Variants in TIAM1 observed in about 807,000 individuals in gnomAD.
The protein encoded by TIAM1 is rho guanine nucleotide exchange factor TIAM1.
Under a neutral mutation model 163.5 loss-of-function variants are expected in TIAM1, and 65 were observed. That is an observed-to-expected ratio of 0.40 (90% CI 0.33 to 0.49). The LOEUF (loss-of-function observed/expected upper bound fraction) is 0.49, where lower values mean the gene tolerates loss of function less well. TIAM1 is among the 20% of genes least tolerant of loss of function. The probability of loss-of-function intolerance (pLI) is 0.77; values close to 1 mark genes in which losing one functional copy is unlikely to be tolerated. For missense variants in TIAM1, 1,789 were observed against 2,044.7 expected, an observed-to-expected ratio of 0.87 and a Z score of 2.41; for synonymous variants, 833 against 810.1, an observed-to-expected ratio of 1.03 and a Z score of -0.48.
intron 2 of TIAM1, among the ~76,000 whole-genome samples, chr21:31,422,310 GGAAGATACTCCT>G (rs1434814342): frequency 6.6e-6 from 1 of 152,184 alleles, no homozygotes; most frequent in Admixed American, 6.6e-5. Context: ...TATCAAGGAT[GGAAGATACTCCT>G]GAAGAAATGC....
chr21:31,342,842 T>C (rs1389092661), intron 1 of TIAM1, among the ~76,000 whole-genome samples: 1 of 152,208 alleles, frequency 6.6e-6, no homozygotes, highest in Non-Finnish European at 1.5e-5. Context: ...TCTGTATCTT[T>C]AACTTCAAGG....
intron 11 of TIAM1, among the ~76,000 whole-genome samples, chr21:31,203,218 G>C (rs887566871): frequency 6.6e-6 from 1 of 152,142 alleles, no homozygotes; most frequent in African/African-American, 2.4e-5. Flanking sequence ...CGCCTCCTGG[G>C]TTCAAGTGAT....
intron 15 of TIAM1, among the ~76,000 whole-genome samples, chr21:31,173,670 A>C (rs1375378683): frequency 6.6e-6 from 1 of 152,218 alleles, no homozygotes; most frequent in Non-Finnish European, 1.5e-5. Flanking sequence ...GAGAAATTTA[A>C]AATTCCATTA....
chr21:31,153,187 C>A, intron 17 of TIAM1, 53 bp from the exon 18 acceptor site: 1 of 1,419,136 alleles, frequency 7.0e-7, no homozygotes, highest in South Asian at 1.2e-5. Context: ...TTTTATATAC[C>A]CTAGAACTTA....
At chr21:31,360,849 A>G (rs1432648070) in intron 2 of TIAM1, among the ~76,000 whole-genome samples, 1 of 152,226 alleles carries the variant, frequency 6.6e-6, no homozygotes, top group African/African-American at 2.4e-5. Context: ...TGTAAATTCA[A>G]ACCAGGAAAT....
At chr21:31,255,329 G>A (rs1028156614) in intron 4 of TIAM1, among the ~76,000 whole-genome samples, 1 of 152,180 alleles carries the variant, frequency 6.6e-6, no homozygotes, top group Admixed American at 6.5e-5. Flanking sequence ...ACGGATGCAG[G>A]TTGCCCAGCC....
At chr21:31,391,023 G>C (rs2076956945) in intron 2 of TIAM1, among the ~76,000 whole-genome samples, 1 of 152,056 alleles carries the variant, frequency 6.6e-6, no homozygotes, top group Non-Finnish European at 1.5e-5. Flanking sequence ...ATGATACCAG[G>C]GCACCCTGGA....
intron 2 of TIAM1, among the ~76,000 whole-genome samples, chr21:31,381,809 G>A (rs2076783596): frequency 6.6e-6 from 1 of 152,144 alleles, no homozygotes; most frequent in African/African-American, 2.4e-5. Context: ...TCCAGTCTGG[G>A]TGACAGAGTA....
At chr21:31,319,643 G>T (rs762671208) in intron 2 of TIAM1, among the ~76,000 whole-genome samples, 21 of 151,858 alleles carry the variant, frequency 1.4e-4, no homozygotes, top group Non-Finnish European at 2.5e-4. Flanking sequence ...AGTCGGGCAT[G>T]GTGGCGGGCA....
chr21:31,142,756 A>G (rs2251263), intron 20 of TIAM1, among the ~76,000 whole-genome samples: 94,837 of 151,968 alleles, frequency 0.62, 30,341 homozygotes, highest in African/African-American at 0.76. Flanking sequence ...ACGGTGATCT[A>G]CTCAAAGTTA....
At chr21:31,540,396 A>AC (rs2048283927) in intron 1 of TIAM1, among the ~76,000 whole-genome samples, 1 of 152,156 alleles carries the variant, frequency 6.6e-6, no homozygotes, top group East Asian at 1.9e-4. Flanking sequence ...AAAAAAAAAA[A>AC]AAAAAAGGTA....
At chr21:31,134,168 C>G (rs2082527136) in intron 23 of TIAM1, among the ~76,000 whole-genome samples, 1 of 152,180 alleles carries the variant, frequency 6.6e-6, no homozygotes, top group African/African-American at 2.4e-5. Context: ...CTCTTGATTT[C>G]TAACTACAGT....
At chr21:31,308,583 G>C (rs2074806244) in intron 2 of TIAM1, among the ~76,000 whole-genome samples, 1 of 151,984 alleles carries the variant, frequency 6.6e-6, no homozygotes, top group African/African-American at 2.4e-5. Flanking sequence ...CTCTATAAAA[G>C]GACCTGGCAC....
At chr21:31,351,798 T>C (rs1181344820) in intron 2 of TIAM1, among the ~76,000 whole-genome samples, 140 of 150,448 alleles carry the variant, frequency 9.3e-4, no homozygotes, top group Non-Finnish European at 2.5e-4. Context: ...CAGGGCGTGG[T>C]GGCTCATGCC....
intron 26 of TIAM1, 95 bp from the exon 27 acceptor site, chr21:31,124,789 G>A (rs2082130880): frequency 1.8e-6 from 2 of 1,118,288 alleles, no homozygotes; most frequent in Non-Finnish European, 2.5e-6. Context: ...ATATCCCTTA[G>A]GGCCAAAGGC....
intron 1 of TIAM1, among the ~76,000 whole-genome samples, chr21:31,476,216 T>G (rs191609948): frequency 2.0e-5 from 3 of 152,236 alleles, no homozygotes; most frequent in African/African-American, 7.2e-5. Context: ...TTAAACTCAA[T>G]GATTCTCAAC....
intron 25 of TIAM1, 118 bp downstream of exon 25, chr21:31,130,095 G>GAAAA: frequency 4.2e-5 from 24 of 573,976 alleles, no homozygotes; most frequent in South Asian, 1.5e-4. Context: ...TTAAGCATAG[G>GAAAA]GAAAAAAAAA....
At chr21:31,245,756 G>GA in intron 5 of TIAM1, 96 bp from the exon 6 acceptor site, 1 of 1,165,668 alleles carries the variant, frequency 8.6e-7, no homozygotes, top group Non-Finnish European at 1.1e-6. Flanking sequence ...GTCAGAGGCT[G>GA]AAAATTAAAG....
At chr21:31,143,465 T>TATACAC (rs1555863366) in intron 20 of TIAM1, among the ~76,000 whole-genome samples, 7 of 150,578 alleles carry the variant, frequency 4.6e-5, no homozygotes, top group African/African-American at 1.5e-4. Context: ...TATATATATA[T>TATACAC]ACACACACAC....
Sources: gnomAD v4.1 joint callset for allele counts (sites outside exome capture counted in the v4.1 genomes callset) on GRCh38, gnomAD v4.1.1 for gene constraint, MANE v1.5 for transcripts, NCBI Gene and HGNC (gene_info 2026-07-23, HGNC 2026-07-21) for gene names.